AMN1: variants seen among roughly 807,000 people sequenced by gnomAD.
The protein encoded by AMN1 is antagonist of mitotic exit network 1 homolog.
Under a neutral mutation model 33.0 loss-of-function variants are expected in AMN1, and 20 were observed. The observed-to-expected ratio is 0.61, with a 90% confidence interval of 0.43 to 0.88. The LOEUF is 0.88. Among genes scored for constraint, AMN1 ranks in the 40% least tolerant of loss-of-function variants. The pLI, the probability that AMN1 is intolerant of heterozygous loss-of-function variation, is 0.00. For missense variants in AMN1, 246 were observed against 307.4 expected (o/e 0.80, Z 1.49); for synonymous variants, 114 against 111.9 (o/e 1.02, Z -0.12).
chr12:31,714,433 C>T (rs1939591586), intron 1 of AMN1: 2 of 152,258 alleles, frequency 1.3e-5, no homozygotes, highest in Admixed American at 6.5e-5. Flanking sequence ...CTCAAGTGAT[C>T]CTCTTACCTC....
At chr12:31,723,676 A>G (rs1939958841) in intron 1 of AMN1, among the ~76,000 whole-genome samples, 1 of 152,134 alleles carries the variant, frequency 6.6e-6, no homozygotes, top group Admixed American at 6.5e-5. Flanking sequence ...ACCCCTTATC[A>G]TCCTCAGGCT....
At position 31,697,415 on chromosome 12, in the gene AMN1, T is replaced by C. The variant is rs371548307; in HGVS notation, c.537A>G (p.Val179=). 2.3e-5 allele frequency: 37 copies of C among 1,612,760 alleles called. No individual in the cohort carries two copies. Among genetic ancestry groups the C allele is most frequent in the African/African-American group, 5.3e-5 (4 of 74,916 alleles). Reference sequence around the variant, plus strand: ...CAAGTGCAATCACACCACTGTCAGATACCTAAGCAAAGGGAAAAAGAAACA... The same window carrying C: ...CAAGTGCAATCACACCACTGTCAGACACCTAAGCAAAGGGAAAAAGAAACA... ...LQCVDFSATQ[V]SDSGVIALVS... is the part of the protein sequence containing the mutation. The change falls in exon 5 of 7, where the codon GTA becomes GTG. Residue 179 remains valine (V), a splice_region_variant and synonymous_variant. Coordinates refer to ENST00000281471, the MANE Select transcript of AMN1 (RefSeq NM_001113402.2).
intron 1 of AMN1, among the ~76,000 whole-genome samples, chr12:31,726,458 A>G (rs997349886): frequency 2.6e-5 from 4 of 152,194 alleles, no homozygotes; most frequent in African/African-American, 9.7e-5. Flanking sequence ...ACGGCCCCCA[A>G]CTAAAAGAGT....
chr12:31,687,048 T>C lies in AMN1; in HGVS notation c.703+1959A>G, dbSNP rs1938296387. Among the ~76,000 whole-genome samples the C allele has an allele frequency of 6.6e-6, 1 of 152,090 alleles. No homozygotes were observed. Among genetic ancestry groups the C allele is most frequent in the Non-Finnish European group, 1.5e-5 (1 of 68,012 alleles). ...TTTTTTGACACAGGGTCTCACTCTG[T>C]TACCCAGACTGGGGTGCAGTGGGGT... On this transcript the variant is annotated intron_variant, in intron 6 of 6. Coordinates refer to ENST00000281471, the MANE Select transcript of AMN1 (RefSeq NM_001113402.2). This position sits in a 1 kb window ranked among gnomAD's most constrained non-coding sequence, Gnocchi z 4.1.
intron 6 of AMN1, chr12:31,673,257 G>GA (rs765261991): frequency 0.1 from 12,241 of 118,292 alleles, 598 homozygotes; most frequent in East Asian, 0.26. Context: ...CAGACCAGTA[G>GA]AAAAAAAAAA....
chr12:31,719,430 T>G, intron 1 of AMN1: 2 of 386,492 alleles, frequency 5.2e-6, no homozygotes, highest in Non-Finnish European at 7.1e-6. Flanking sequence ...GTTAGGGAAG[T>G]AAAAATATAT....
At chr12:31,688,711 T>C (rs1463352843) in intron 6 of AMN1, among the ~76,000 whole-genome samples, 1 of 152,120 alleles carries the variant, frequency 6.6e-6, no homozygotes, top group Non-Finnish European at 1.5e-5. Context: ...CTCAGGAGGC[T>C]GAGGCAGGAG....
At chr12:31,691,268 TC>T (rs1380537388) in intron 5 of AMN1, among the ~76,000 whole-genome samples, 1 of 151,978 alleles carries the variant, frequency 6.6e-6, no homozygotes, top group Non-Finnish European at 1.5e-5. Flanking sequence ...TCTGCAGAAT[TC>T]CATTATATAA....
At chr12:31,695,480 TTTCTTTC>T in intron 5 of AMN1, among the ~76,000 whole-genome samples, 1 of 67,612 alleles carries the variant, frequency 1.5e-5, no homozygotes, top group East Asian at 8.8e-4. Flanking sequence ...AATTTCTTTC[TTTCTTTC>T]TTTTTTTTTT....
At chr12:31,688,754 T>C (rs964576125) in intron 6 of AMN1, among the ~76,000 whole-genome samples, 1 of 152,170 alleles carries the variant, frequency 6.6e-6, no homozygotes, top group African/African-American at 2.4e-5. Flanking sequence ...GAGGTTGCAG[T>C]GAGCTGAGAT....
intron 1 of AMN1, among the ~76,000 whole-genome samples, chr12:31,719,663 T>C (rs1247770105): frequency 6.6e-6 from 1 of 152,094 alleles, no homozygotes; most frequent in African/African-American, 2.4e-5. Flanking sequence ...GGCATGTAAT[T>C]TGGTACAAGC....
intron 6 of AMN1, among the ~76,000 whole-genome samples, chr12:31,679,998 C>T (rs147597084): frequency 3.4e-4 from 51 of 151,080 alleles, no homozygotes; most frequent in Admixed American, 4.6e-4. Flanking sequence ...TGGTGGCACC[C>T]GCTTGTGATC....
At chr12:31,701,338 C>T (rs1447742095) in intron 3 of AMN1, among the ~76,000 whole-genome samples, 1 of 152,070 alleles carries the variant, frequency 6.6e-6, no homozygotes, top group Non-Finnish European at 1.5e-5. Flanking sequence ...CCCTATGTCA[C>T]CCAGGCTGGA....
intron 3 of AMN1, among the ~76,000 whole-genome samples, chr12:31,699,460 C>CA (rs1332731585): frequency 5.8e-5 from 5 of 86,922 alleles, no homozygotes; most frequent in South Asian, 4.1e-4. Context: ...AAAAAACAAA[C>CA]AAAAAACCTC....
chr12:31,704,751 A>G lies in AMN1; in HGVS notation c.172-2744T>C, dbSNP rs117769975. On this transcript the variant is annotated intron_variant, in intron 2 of 6. Coordinates refer to ENST00000281471, the MANE Select transcript of AMN1 (RefSeq NM_001113402.2). ...TGTTAAGGATGGAGACTAGAGGGAG[A>G]GTACCCAGAAAAATCATGTCTTGTT... Among the ~76,000 whole-genome samples the G allele has an allele frequency of 8.5e-4, 129 of 152,322 alleles. No homozygotes were observed. In the East Asian group the frequency reaches 0.023, roughly 28 times the overall value.
chr12:31,701,103 G>A (rs1225718554), intron 3 of AMN1, among the ~76,000 whole-genome samples: 3 of 151,906 alleles, frequency 2.0e-5, no homozygotes, highest in Admixed American at 6.6e-5. Flanking sequence ...AGGTTCAAGC[G>A]ATTCTCCTAC....
intron 1 of AMN1, among the ~76,000 whole-genome samples, chr12:31,727,322 A>T (rs1429425164): frequency 6.6e-6 from 1 of 151,986 alleles, no homozygotes; most frequent in Non-Finnish European, 1.5e-5. Context: ...CCTATTTCCA[A>T]CTTCTGCCTA....
At chr12:31,718,236 T>G (rs1187653676) in intron 1 of AMN1, among the ~76,000 whole-genome samples, 1 of 151,946 alleles carries the variant, frequency 6.6e-6, no homozygotes, top group African/African-American at 2.4e-5. Flanking sequence ...CTTCATGAAG[T>G]TCTCATGCTG....
Position 31,729,002 on chromosome 12 carries a change from G to A in AMN1, c.7C>T (p.Arg3Cys), listed in dbSNP as rs968784249. The change falls in exon 1 of 7, where the codon CGC becomes TGC. Residue 3 changes from arginine (R) to cysteine (C), a missense_variant. Arg to Cys is a radical substitution (Grantham distance 180, BLOSUM62 -3). Coordinates refer to ENST00000281471, the MANE Select transcript of AMN1 (RefSeq NM_001113402.2). ...AGGAGCTGACTGACCCGCCGTGGGC[G>A]AGGCATCGCTGCAGCGTCTGAAGCC... MPRPRRVSQLLDL... is the reference protein window; with the variant it reads MPCPRRVSQLLDL... 9.1e-6 allele frequency: 14 copies of A among 1,545,118 alleles called. No individual in the cohort carries two copies. In the East Asian group the frequency reaches 3.2e-4, roughly 35 times the overall value.
Sources: allele counts gnomAD v4.1 joint callset (sites outside exome capture counted in the v4.1 genomes callset), GRCh38; gene constraint gnomAD v4.1.1; non-coding constraint Gnocchi (gnomAD v3.1); transcripts MANE v1.5; gene names NCBI Gene and HGNC (gene_info 2026-07-23, HGNC 2026-07-21).